Variants in DMD observed in about 807,000 individuals in gnomAD.
DMD encodes the protein dystrophin.
A neutral mutation model predicts 330.1 loss-of-function variants in DMD; 63 were observed. The ratio of observed to expected loss-of-function variants is 0.19; its 90% CI spans 0.16 to 0.24. The LOEUF (loss-of-function observed/expected upper bound fraction) is 0.24. Ranked by LOEUF, DMD falls within the 10% of genes least tolerant of loss-of-function variation. The pLI, the probability that DMD is intolerant of heterozygous loss-of-function variation, is 1.00. For missense variants in DMD, 3,344 were observed against 2,684.1 expected (o/e 1.25, Z -5.43); for synonymous variants, 1,223 against 959.8 (o/e 1.27, Z -5.07).
chrX:31,540,092 A>G (rs1459905901), intron 55 of DMD, among the ~76,000 whole-genome samples: 2 of 112,399 alleles, frequency 1.8e-5, no homozygotes, highest in Non-Finnish European at 3.8e-5. Flanking sequence ...CAAACACTGG[A>G]TTGCTGGAAA....
At chrX:31,463,341 G>C (rs965281615) in intron 59 of DMD, among the ~76,000 whole-genome samples, 132 of 111,621 alleles carry the variant, frequency 1.2e-3, no homozygotes, top group African/African-American at 3.9e-3. Flanking sequence ...AAATGAGAGA[G>C]ACATTAGTAT....
At chrX:32,082,390 G>A (rs767112922) in intron 44 of DMD, among the ~76,000 whole-genome samples, 4 of 76,492 alleles carry the variant, frequency 5.2e-5, no homozygotes, top group Non-Finnish European at 7.8e-5. Flanking sequence ...TACCTCGCCC[G>A]GCTATCTATC....
At chrX:32,738,367 C>G (rs192568921) in intron 7 of DMD, among the ~76,000 whole-genome samples, 2 of 111,604 alleles carry the variant, frequency 1.8e-5, no homozygotes, top group Admixed American at 9.5e-5. Flanking sequence ...TGGATTCATT[C>G]AAATCCAATC....
chrX:33,081,623 C>A (rs1416269983), intron 1 of DMD, among the ~76,000 whole-genome samples: 1 of 112,011 alleles, frequency 8.9e-6, no homozygotes, highest in Non-Finnish European at 1.9e-5. Context: ...AACCCAAAGT[C>A]AATCAGCCCA....
intron 49 of DMD, among the ~76,000 whole-genome samples, chrX:31,832,195 T>C (rs1445738382): frequency 8.9e-6 from 1 of 112,342 alleles, no homozygotes; most frequent in Non-Finnish European, 1.9e-5. Context: ...TTGTTTTAAG[T>C]GTAATTATAT....
chrX:32,890,283 TA>T (rs1408386208), intron 2 of DMD, among the ~76,000 whole-genome samples: 2 of 111,590 alleles, frequency 1.8e-5, no homozygotes, highest in Non-Finnish European at 3.8e-5. Flanking sequence ...TGGACTGCTT[TA>T]TATGTTCTGG....
intron 1 of DMD, among the ~76,000 whole-genome samples, chrX:33,139,887 A>T (rs1299304164): frequency 6.4e-5 from 7 of 109,849 alleles, no homozygotes; most frequent in South Asian, 3.9e-4. Context: ...AAAAAAAAAA[A>T]AAAAAAAAAT....
At chrX:32,393,393 C>A (rs946343038) in intron 30 of DMD, among the ~76,000 whole-genome samples, 2 of 111,244 alleles carry the variant, frequency 1.8e-5, no homozygotes, top group African/African-American at 6.5e-5. Context: ...TATTAAATAA[C>A]TTTATGTCCC....
At chrX:31,430,014 T>A (rs1291700484) in intron 60 of DMD, among the ~76,000 whole-genome samples, 5 of 111,268 alleles carry the variant, frequency 4.5e-5, no homozygotes, top group Admixed American at 9.6e-5. Context: ...TGTTTAGTTC[T>A]CTAGACGAGA....
intron 55 of DMD, among the ~76,000 whole-genome samples, chrX:31,613,794 T>A (rs2078054741): frequency 9.0e-6 from 1 of 111,505 alleles, no homozygotes; most frequent in African/African-American, 3.3e-5. Flanking sequence ...CCATATCTTA[T>A]CAACTTGTAT....
In DMD at chrX:31,696,018, A is replaced by G. The variant is rs147469221; in HGVS notation, c.7661-16432T>C. ...TTCCACAATGTATATATATGGATTGAAACATCACAATGTACCCCATAATAT... is the reference window on the plus strand; with the variant it reads ...TTCCACAATGTATATATATGGATTGGAACATCACAATGTACCCCATAATAT... On this transcript the variant is annotated intron_variant, in intron 52 of 78. Transcript: ENST00000357033. Among the ~76,000 whole-genome samples the G allele has an allele frequency of 1.1e-3, 120 of 111,775 alleles. 1 individual carries two copies. Among genetic ancestry groups the G allele is most frequent in the African/African-American group, 3.8e-3 (117 of 30,893 alleles).
intron 60 of DMD, among the ~76,000 whole-genome samples, chrX:31,363,551 T>C (rs908127309): frequency 1.3e-4 from 14 of 109,827 alleles, no homozygotes; most frequent in African/African-American, 4.3e-4. Flanking sequence ...TGGCTAATTT[T>C]TGTATTTTTA....
At chrX:32,251,111 G>A (rs1418274691) in intron 43 of DMD, among the ~76,000 whole-genome samples, 1 of 109,552 alleles carries the variant, frequency 9.1e-6, no homozygotes, top group Admixed American at 9.8e-5. Flanking sequence ...GATGGGTGCA[G>A]CAAACCACCA....
intron 1 of DMD, among the ~76,000 whole-genome samples, chrX:33,236,965 G>A (rs1277061055): frequency 9.0e-6 from 1 of 111,320 alleles, no homozygotes; most frequent in Non-Finnish European, 1.9e-5. Flanking sequence ...TGTGACACAA[G>A]AAGTAGTGAT....
At chrX:32,929,087 C>T (rs769442468) in intron 2 of DMD, among the ~76,000 whole-genome samples, 2 of 111,123 alleles carry the variant, frequency 1.8e-5, no homozygotes, top group Non-Finnish European at 3.8e-5. Context: ...AGCCTGGAAG[C>T]AGTGGTGCTT....
At chrX:31,155,948 T>A (rs1001656056) in intron 74 of DMD, among the ~76,000 whole-genome samples, 1 of 110,263 alleles carries the variant, frequency 9.1e-6, no homozygotes, top group African/African-American at 3.3e-5. Context: ...TGAGCCATGA[T>A]CATGCCACTG....
intron 44 of DMD, among the ~76,000 whole-genome samples, chrX:32,014,967 G>A (rs192817807): frequency 8.9e-6 from 1 of 112,284 alleles, no homozygotes; most frequent in South Asian, 3.7e-4. Context: ...TGCGAAGATG[G>A]TAGTTCTTAA....
chrX:33,062,360 A>C (rs779550402), intron 1 of DMD, among the ~76,000 whole-genome samples: 1 of 110,570 alleles, frequency 9.0e-6, no homozygotes, highest in East Asian at 2.8e-4. Flanking sequence ...GAATATGTAC[A>C]TTTAAGATCA....
chrX:31,950,616 C>G (rs1284772744), intron 45 of DMD, among the ~76,000 whole-genome samples: 1 of 110,788 alleles, frequency 9.0e-6, no homozygotes, highest in African/African-American at 3.3e-5. Flanking sequence ...GTTGAATTGT[C>G]TAGTTCTCCT....
Sources: gnomAD v4.1 joint callset for allele counts (sites outside exome capture counted in the v4.1 genomes callset) on GRCh38, gnomAD v4.1.1 for gene constraint, MANE v1.5 for transcripts, NCBI Gene and HGNC (gene_info 2026-07-23, HGNC 2026-07-21) for gene names.